KCNAB1: variants seen among roughly 807,000 people sequenced by gnomAD.
KCNAB1 encodes voltage-gated potassium channel subunit beta-1.
Under a neutral mutation model 64.6 loss-of-function variants are expected in KCNAB1, and 35 were observed. The ratio of observed to expected loss-of-function variants is 0.54; its 90% CI spans 0.41 to 0.72. The LOEUF (loss-of-function observed/expected upper bound fraction) is 0.72. KCNAB1 is among the 30% of genes least tolerant of loss of function. KCNAB1 has a pLI of 0.00. For missense variants in KCNAB1, 401 were observed against 512.9 expected (o/e 0.78, Z 2.11); for synonymous variants, 177 against 183.8 (o/e 0.96, Z 0.30).
rs146365372 is a variant in KCNAB1, at chr3:156,432,487, A to G, written c.319+10828A>G. On this transcript the variant is annotated intron_variant, in intron 2 of 13. Coordinates refer to ENST00000490337, the MANE Select transcript of KCNAB1 (RefSeq NM_172160.3). ...GAGAGAAGCAGAAAATACCATCAAT[A>G]CTCATTTCATATCTGACAACTAATT... Among the ~76,000 whole-genome samples the G allele has an allele frequency of 7.5e-4, 115 of 152,320 alleles. 1 individual carries two copies. The South Asian group carries it at 0.014, about 19-fold the overall frequency.
rs536497332 is a variant in KCNAB1 at position 156,523,816 on chromosome 3, C to T, written c.961-11C>T. The T allele has an allele frequency of 1.4e-5, 23 of 1,608,350 alleles. No homozygotes were observed. Among genetic ancestry groups the T allele is most frequent in the Admixed American group, 3.4e-5 (2 of 59,354 alleles). On this transcript the variant is annotated splice_polypyrimidine_tract_variant and intron_variant, in intron 11 of 13. Transcript: ENST00000490337. ...CAGACATTAACATTTCAATGTTATGCTTTTCCCCAGTGCTACCAGTGGTTG... is the reference window on the plus strand; with the variant it reads ...CAGACATTAACATTTCAATGTTATGTTTTTCCCCAGTGCTACCAGTGGTTG...
At chr3:156,315,890 T>A (rs1722241776) in intron 1 of KCNAB1, among the ~76,000 whole-genome samples, 1 of 152,194 alleles carries the variant, frequency 6.6e-6, no homozygotes, top group Non-Finnish European at 1.5e-5. Flanking sequence ...TACATTGAAA[T>A]ATGGGAAAAT....
intron 1 of KCNAB1, among the ~76,000 whole-genome samples, chr3:156,239,868 C>T (rs368194573): frequency 5.9e-5 from 9 of 152,024 alleles, no homozygotes; most frequent in Admixed American, 2.6e-4. Flanking sequence ...CTTCCCCTCA[C>T]GGAGAGTATT....
At chr3:156,150,780 C>G (rs1284185796) in intron 1 of KCNAB1, among the ~76,000 whole-genome samples, 1 of 152,022 alleles carries the variant, frequency 6.6e-6, no homozygotes, top group Non-Finnish European at 1.5e-5. Context: ...ATGTATTTAC[C>G]TTGATTATGA....
At chr3:156,203,795 T>C (rs980834875) in intron 1 of KCNAB1, among the ~76,000 whole-genome samples, 2 of 152,356 alleles carry the variant, frequency 1.3e-5, no homozygotes, top group Admixed American at 1.3e-4. Flanking sequence ...CTATCAAATA[T>C]ATGTTTTTCA....
intron 2 of KCNAB1, among the ~76,000 whole-genome samples, chr3:156,436,819 A>G (rs1716614626): frequency 6.6e-6 from 1 of 152,056 alleles, no homozygotes; most frequent in African/African-American, 2.4e-5. Context: ...TGGATATTAG[A>G]CCTTTGTCAA....
Position 156,537,135 on chromosome 3 carries a change from A to G in KCNAB1, c.*388A>G, listed in dbSNP as rs1213619635. The G allele has an allele frequency of 3.5e-5, 14 of 400,488 alleles. No individual in the cohort carries two copies. Among genetic ancestry groups the G allele is most frequent in the Admixed American group, 2.6e-4 (6 of 22,912 alleles). The allele number at this position is 400,488 out of a possible 1,614,324, so 24.8% of individuals were successfully genotyped here. On this transcript the variant is annotated 3_prime_UTR_variant, in exon 14 of 14. Coordinates refer to ENST00000490337, the MANE Select transcript of KCNAB1 (RefSeq NM_172160.3). Reference sequence around the variant, plus strand: ...ACAGATGCAATGTGAGTTGCGTAAGAAACAGAGTAGATAGACTAAATTCAG... The same window carrying G: ...ACAGATGCAATGTGAGTTGCGTAAGGAACAGAGTAGATAGACTAAATTCAG...
intron 1 of KCNAB1, among the ~76,000 whole-genome samples, chr3:156,199,965 C>G (rs1330125183): frequency 2.0e-5 from 3 of 152,146 alleles, no homozygotes; most frequent in Non-Finnish European, 2.9e-5. Flanking sequence ...ATTTATCTAC[C>G]TTTGATCTTT....
chr3:156,184,058 C>A (rs1325088292), intron 1 of KCNAB1, among the ~76,000 whole-genome samples: 2 of 152,180 alleles, frequency 1.3e-5, no homozygotes, highest in Admixed American at 6.5e-5. Context: ...TTGTGACGCT[C>A]AGTAAATGCT....
intron 6 of KCNAB1, among the ~76,000 whole-genome samples, chr3:156,465,431 G>C (rs1048849974): frequency 4.6e-5 from 7 of 152,112 alleles, no homozygotes; most frequent in African/African-American, 1.7e-4. Flanking sequence ...GCATGTTAGT[G>C]GCTTGGTGAC....
At chr3:156,122,374 A>G (rs1713400072) in intron 1 of KCNAB1, among the ~76,000 whole-genome samples, 1 of 152,254 alleles carries the variant, frequency 6.6e-6, no homozygotes. Flanking sequence ...GACTTGCGAT[A>G]TACCAGAAAT....
chr3:156,263,916 G>T (rs926742365), intron 1 of KCNAB1, among the ~76,000 whole-genome samples: 1 of 152,080 alleles, frequency 6.6e-6, no homozygotes, highest in Non-Finnish European at 1.5e-5. Context: ...CTCACATAGA[G>T]TTGATTGACA....
chr3:156,278,733 C>T (rs1458186235), intron 1 of KCNAB1, among the ~76,000 whole-genome samples: 1 of 151,896 alleles, frequency 6.6e-6, no homozygotes, highest in Non-Finnish European at 1.5e-5. Flanking sequence ...GTTGCTAATG[C>T]CTGTAAGTGA....
chr3:156,436,793 A>C (rs1005912403), intron 2 of KCNAB1, among the ~76,000 whole-genome samples: 1 of 152,110 alleles, frequency 6.6e-6, no homozygotes, highest in Non-Finnish European at 1.5e-5. Flanking sequence ...AATTTGTTTA[A>C]ATTGCTTGTA....
chr3:156,377,683 T>A (rs1711792606), intron 1 of KCNAB1, among the ~76,000 whole-genome samples: 1 of 151,720 alleles, frequency 6.6e-6, no homozygotes, highest in Admixed American at 6.6e-5. Flanking sequence ...TGGAAAGAGG[T>A]CCCATGCAGG....
At chr3:156,143,278 G>A in intron 1 of KCNAB1, 1 of 1,613,890 alleles carries the variant, frequency 6.2e-7, no homozygotes, top group East Asian at 2.2e-5. Flanking sequence ...GCACCTAGCA[G>A]TGACCAAGAC....
chr3:156,476,547 G>T (rs28624635), intron 8 of KCNAB1, among the ~76,000 whole-genome samples: 2 of 120,870 alleles, frequency 1.7e-5, no homozygotes, highest in African/African-American at 6.5e-5. Context: ...ACACACACAC[G>T]CACACACACA....
intron 1 of KCNAB1, among the ~76,000 whole-genome samples, chr3:156,135,367 C>A (rs573463481): frequency 6.6e-6 from 1 of 152,048 alleles, no homozygotes; most frequent in Non-Finnish European, 1.5e-5. Flanking sequence ...GTATTCAAAT[C>A]ATGCAACTAT....
intron 1 of KCNAB1, among the ~76,000 whole-genome samples, chr3:156,158,177 AAAAAATAAATAAATAAAT>A (rs1560112348): frequency 3.5e-5 from 1 of 28,402 alleles, no homozygotes; most frequent in Non-Finnish European, 7.6e-5. Context: ...AAAAAAAAAT[AAAAAATAAATAAATAAAT>A]AAATAAATAA....
Sources: allele counts gnomAD v4.1 joint callset (sites outside exome capture counted in the v4.1 genomes callset), GRCh38; gene constraint gnomAD v4.1.1; transcripts MANE v1.5; gene names NCBI Gene and HGNC (gene_info 2026-07-23, HGNC 2026-07-21).